The following SYNE1 variants were observed in gnomAD, a reference collection of about 807,000 sequenced individuals.
SYNE1 encodes spectrin repeat containing nuclear envelope protein 1.
Under a neutral mutation model 1,111.0 loss-of-function variants are expected in SYNE1, and 616 were observed. The ratio of observed to expected loss-of-function variants is 0.55; its 90% confidence interval spans 0.52 to 0.59. The LOEUF (loss-of-function observed/expected upper bound fraction) is 0.59, where lower values mean the gene tolerates loss of function less well. SYNE1 is among the 20% of genes least tolerant of loss of function. The pLI is 0.00. For missense variants in SYNE1, 10,006 were observed against 10,417.0 expected (o/e 0.96, Z 1.72); for synonymous variants, 3,855 against 3,825.8 (o/e 1.01, Z -0.28).
chr6:152,207,956 G>GT lies in SYNE1; in HGVS notation c.22824+15dup. The stretch of plus-strand genomic sequence containing the variant: ...AATGCCTAAGAGGTGTGAGAACACT[G>GT]TGTTTTGCATCTTACCTGCACTTCA... On this transcript the variant is annotated intron_variant, in intron 125 of 145. Transcript: ENST00000367255. The GT allele has an allele frequency of 6.2e-7, 1 of 1,613,454 alleles. No homozygotes were observed. The highest frequency in any genetic ancestry group is 8.5e-7 in the Non-Finnish European group (1 of 1,179,410).
At chr6:152,367,887 T>A (rs1418160325) in intron 61 of SYNE1, 3 of 162,744 alleles carry the variant, frequency 1.8e-5, no homozygotes, top group African/African-American at 7.2e-5. Flanking sequence ...GCAAGAATAA[T>A]CTACAGCTCT....
intron 123 of SYNE1, 50 bp from the exon 124 acceptor site, chr6:152,211,638 G>T: frequency 1.3e-6 from 2 of 1,485,398 alleles, no homozygotes; most frequent in South Asian, 1.1e-5. Context: ...TAATTTTAGT[G>T]ATCGGTTCTC....
Position 152,601,544 on chromosome 6 carries a change from C to T in SYNE1, c.67+26721G>A, listed in dbSNP as rs141906304. Among the ~76,000 whole-genome samples the T allele has an allele frequency of 7.4e-3, 1,121 of 152,256 alleles. 6 individuals carry two copies. Among genetic ancestry groups the T allele is most frequent in the Non-Finnish European group, 0.011 (758 of 68,028 alleles). On this transcript the variant is annotated intron_variant, in intron 3 of 145. Transcript: ENST00000367255. Reference sequence around the variant, plus strand: ...GCAGGATTAGAATGTGGATGCCTAACTTTTCCAATATACAAAGAACCCAGG... The same window carrying T: ...GCAGGATTAGAATGTGGATGCCTAATTTTTCCAATATACAAAGAACCCAGG...
At chr6:152,563,560 A>T (rs2099401945) in intron 3 of SYNE1, among the ~76,000 whole-genome samples, 2 of 152,164 alleles carry the variant, frequency 1.3e-5, no homozygotes, top group Admixed American at 1.3e-4. Flanking sequence ...AACTCATCAC[A>T]TTGCACACCT....
intron 47 of SYNE1, among the ~76,000 whole-genome samples, chr6:152,400,461 C>T (rs1424036747): frequency 2.0e-5 from 3 of 152,040 alleles, no homozygotes; most frequent in Non-Finnish European, 2.9e-5. Context: ...GTCAGGAGTT[C>T]GAGACCAGCC....
chr6:152,224,586 T>C lies in SYNE1; in HGVS notation c.21430A>G (p.Ser7144Gly), dbSNP rs759479600. The change falls in exon 117 of 146, where the codon AGT becomes GGT. Residue 7144 changes from serine (S) to glycine (G), a missense_variant. By Grantham distance (56) the Ser-to-Gly change is moderately conservative. Coordinates refer to ENST00000367255, the MANE Select transcript of SYNE1 (RefSeq NM_182961.4). Reference sequence around the variant, plus strand: ...GAGTATCTGGCCTCCATGAGGTAACTGTTTATCTTGTCAAAGGCCACTTTG... The same window carrying C: ...GAGTATCTGGCCTCCATGAGGTAACCGTTTATCTTGTCAAAGGCCACTTTG... ...SHKVAFDKIN[S>G]YLMEARYSLS... The C allele has an allele frequency of 5.6e-6, 9 of 1,613,932 alleles. No homozygotes were observed. In the African/African-American group the frequency reaches 9.3e-5, roughly 17 times the overall value.
chr6:152,301,449 ATACAG>A (rs1373120116), intron 92 of SYNE1, among the ~76,000 whole-genome samples: 2 of 152,232 alleles, frequency 1.3e-5, no homozygotes, highest in African/African-American at 4.8e-5. Flanking sequence ...TTACACATTT[ATACAG>A]TAGAGTACAT....
chr6:152,509,235 C>CT (rs1197793921), intron 8 of SYNE1, among the ~76,000 whole-genome samples: 1 of 137,326 alleles, frequency 7.3e-6, no homozygotes, highest in Non-Finnish European at 1.5e-5. Context: ...CACTCTTTTT[C>CT]TTTTTTCTTT....
intron 14 of SYNE1, among the ~76,000 whole-genome samples, chr6:152,475,677 G>A (rs1314614160): frequency 1.3e-5 from 2 of 152,162 alleles, no homozygotes; most frequent in African/African-American, 2.4e-5. Flanking sequence ...ACTGTAAGGA[G>A]AACCTGAACT....
intron 3 of SYNE1, among the ~76,000 whole-genome samples, chr6:152,613,454 A>T (rs1490248532): frequency 6.6e-6 from 1 of 152,218 alleles, no homozygotes; most frequent in African/African-American, 2.4e-5. Flanking sequence ...GATGTGAAGG[A>T]CGTCTTCAAG....
intron 66 of SYNE1, among the ~76,000 whole-genome samples, chr6:152,356,490 CAT>C (rs984218941): frequency 3.4e-5 from 5 of 146,858 alleles, no homozygotes; most frequent in African/African-American, 1.2e-4. Flanking sequence ...CTATAAGTAA[CAT>C]AAATGTGTGT....
At chr6:152,338,710 G>A (rs117756961) in intron 75 of SYNE1, among the ~76,000 whole-genome samples, 2,759 of 152,260 alleles carry the variant, frequency 0.018, 46 homozygotes, top group Non-Finnish European at 0.028. Flanking sequence ...GGGAAAATAC[G>A]CCTCCAGTGC....
chr6:152,176,887 T>C (rs1388670352), intron 129 of SYNE1, among the ~76,000 whole-genome samples: 2 of 152,148 alleles, frequency 1.3e-5, no homozygotes, highest in African/African-American at 4.8e-5. Context: ...TGGAAAATTA[T>C]AGTTTATTTC....
chr6:152,557,042 G>A (rs2099367400), intron 3 of SYNE1, among the ~76,000 whole-genome samples: 1 of 152,034 alleles, frequency 6.6e-6, no homozygotes, highest in South Asian at 2.1e-4. Context: ...GGAGAACACA[G>A]AAAGGCAGCT....
chr6:152,583,482 G>A (rs2099527197), intron 3 of SYNE1, among the ~76,000 whole-genome samples: 1 of 152,178 alleles, frequency 6.6e-6, no homozygotes, highest in South Asian at 2.1e-4. Flanking sequence ...GGATTGTGCA[G>A]AAAAATAGGA....
chr6:152,236,429 A>C (rs776438957), intron 109 of SYNE1, 126 bp from the exon 110 acceptor site: 323 of 720,296 alleles, frequency 4.5e-4, no homozygotes, highest in Non-Finnish European at 6.7e-4. Context: ...TACTCACTCA[A>C]GTAACATTGA....
intron 95 of SYNE1, among the ~76,000 whole-genome samples, chr6:152,287,697 C>T (rs1012043475): frequency 2.0e-5 from 3 of 152,150 alleles, no homozygotes; most frequent in Non-Finnish European, 4.4e-5. Context: ...TAGGCATGCA[C>T]CACCACACCC....
At chr6:152,253,813 GTTTGGTTTTTTTTTTT>G (rs2090004920) in intron 104 of SYNE1, among the ~76,000 whole-genome samples, 4 of 33,216 alleles carry the variant, frequency 1.2e-4, no homozygotes, top group Non-Finnish European at 2.6e-4. Flanking sequence ...ATGTGTAGTG[GTTTGGTTTTTTTTTTT>G]TTTTTTTTTT....
chr6:152,221,332 A>G (rs1287388986), intron 118 of SYNE1, 94 bp downstream of exon 118: 9 of 1,465,200 alleles, frequency 6.1e-6, no homozygotes, highest in Non-Finnish European at 8.5e-6. Context: ...TAGAATCTAT[A>G]TAGCTCAAAT....
Sources: allele counts gnomAD v4.1 joint callset (sites outside exome capture counted in the v4.1 genomes callset), GRCh38; gene constraint gnomAD v4.1.1; transcripts MANE v1.5; gene names NCBI Gene and HGNC (gene_info 2026-07-23, HGNC 2026-07-21).